Variants in MDFIC2 observed in about 807,000 individuals in gnomAD.
The protein encoded by MDFIC2 is MyoD family inhibitor domain containing 2.
chr3:70,232,023 A>G (rs1701564288), intron 2 of MDFIC2, among the ~76,000 whole-genome samples: 1 of 152,164 alleles, frequency 6.6e-6, no homozygotes, highest in Non-Finnish European at 1.5e-5. Context: ...CTTAGCCATT[A>G]ATAAGCATAT....
chr3:70,209,987 C>T (rs542403720), intron 2 of MDFIC2, among the ~76,000 whole-genome samples: 1 of 152,052 alleles, frequency 6.6e-6, no homozygotes. Context: ...ATGGAGATTG[C>T]AGCAGCTATT....
intron 2 of MDFIC2, chr3:70,249,204 G>T (rs2106649257): frequency 6.6e-6 from 1 of 152,274 alleles, no homozygotes. Context: ...GAGGTATGAA[G>T]TGAATCAAGA....
chr3:70,212,515 C>T (rs1701361206), intron 2 of MDFIC2, among the ~76,000 whole-genome samples: 2 of 152,090 alleles, frequency 1.3e-5, no homozygotes, highest in Admixed American at 6.6e-5. Flanking sequence ...ATTCTTCCTA[C>T]TAAACATCTC....
chr3:70,248,097 G>C (rs1353744115), intron 2 of MDFIC2, among the ~76,000 whole-genome samples: 1 of 152,018 alleles, frequency 6.6e-6, no homozygotes, highest in Non-Finnish European at 1.5e-5. Flanking sequence ...ATTAAATTCA[G>C]ACACTGTGCT....
intron 2 of MDFIC2, among the ~76,000 whole-genome samples, chr3:70,255,535 C>A (rs999544161): frequency 6.6e-6 from 1 of 152,122 alleles, no homozygotes; most frequent in Non-Finnish European, 1.5e-5. Flanking sequence ...GATCCTCCTG[C>A]CTCAGTCCTG....
chr3:70,246,404 T>A (rs2106646474), intron 2 of MDFIC2, among the ~76,000 whole-genome samples: 1 of 152,162 alleles, frequency 6.6e-6, no homozygotes, highest in South Asian at 2.1e-4. Flanking sequence ...CTGCTTGGTA[T>A]CTCATCATTG....
At chr3:70,253,002 C>T (rs1457762128) in intron 2 of MDFIC2, among the ~76,000 whole-genome samples, 2 of 152,056 alleles carry the variant, frequency 1.3e-5, no homozygotes, top group Non-Finnish European at 2.9e-5. Context: ...ATCGCTTGAA[C>T]CCAGTAGGTG....
At chr3:70,277,607 C>G (rs1035490270) in intron 2 of MDFIC2, among the ~76,000 whole-genome samples, 3 of 152,164 alleles carry the variant, frequency 2.0e-5, no homozygotes, top group Non-Finnish European at 4.4e-5. Flanking sequence ...CTGTGTCATA[C>G]TTCAAAACTG....
At chr3:70,203,023 G>A (rs546566106) in intron 3 of MDFIC2, among the ~76,000 whole-genome samples, 6 of 152,120 alleles carry the variant, frequency 3.9e-5, no homozygotes, top group South Asian at 4.2e-4. Flanking sequence ...AGGTGGGAGG[G>A]ATAAGAGCAC....
chr3:70,268,459 AG>A (rs2106668975), intron 2 of MDFIC2, among the ~76,000 whole-genome samples: 1 of 131,712 alleles, frequency 7.6e-6, no homozygotes, highest in South Asian at 2.6e-4. Flanking sequence ...TGGGCAACAG[AG>A]CGAGACTCCG....
At chr3:70,229,297 C>A (rs930849285) in intron 2 of MDFIC2, among the ~76,000 whole-genome samples, 2 of 152,160 alleles carry the variant, frequency 1.3e-5, no homozygotes, top group African/African-American at 4.8e-5. Context: ...GCAACCATGT[C>A]AGTGCCTATA....
intron 2 of MDFIC2, among the ~76,000 whole-genome samples, chr3:70,298,634 G>A (rs1167265899): frequency 6.6e-6 from 1 of 152,082 alleles, no homozygotes; most frequent in African/African-American, 2.4e-5. Flanking sequence ...TGAAGCTCGT[G>A]TTTAGGGAAT....
At chr3:70,261,398 C>A (rs62256476) in intron 2 of MDFIC2, among the ~76,000 whole-genome samples, 2 of 152,282 alleles carry the variant, frequency 1.3e-5, no homozygotes, top group African/African-American at 4.8e-5. Context: ...GAAACCTCAG[C>A]AGCTTCACTC....
chr3:70,269,917 A>G (rs573719449), intron 2 of MDFIC2, among the ~76,000 whole-genome samples: 1 of 152,310 alleles, frequency 6.6e-6, no homozygotes, highest in Admixed American at 6.5e-5. Context: ...AGTGACAATA[A>G]CTGAAATAAA....
At chr3:70,294,625 A>G (rs1382309621) in intron 2 of MDFIC2, among the ~76,000 whole-genome samples, 1 of 152,172 alleles carries the variant, frequency 6.6e-6, no homozygotes, top group Non-Finnish European at 1.5e-5. Context: ...GCTGCAAATA[A>G]CAGAAAACGT....
In MDFIC2 at chr3:70,196,932, G is replaced by C; in HGVS notation, c.564C>G (p.Tyr188Ter). ...ATGTGGTTACTTCACTGTGCTAGCGGTAACAGATTTCTGAAATCTCCATGG... is the reference window on the plus strand; with the variant it reads ...ATGTGGTTACTTCACTGTGCTAGCGCTAACAGATTTCTGAAATCTCCATGG... Reference protein sequence around the residue: ...ELAMEISEICYR With the variant: ...ELAMEISEIC The change falls in exon 4 of 4, where the codon TAC becomes TAG. Residue 188 changes from tyrosine to a stop codon, truncating the protein, a stop_gained. Transcript: ENST00000567252. LOFTEE classifies it high-confidence loss of function. The C allele has an allele frequency of 2.5e-6, 1 of 398,474 alleles. No homozygotes were observed. The highest frequency in any genetic ancestry group is 3.6e-5 in the East Asian group (1 of 28,068). The allele number at this position is 398,474 out of a possible 1,614,324, so 24.7% of individuals were successfully genotyped here.
intron 2 of MDFIC2, among the ~76,000 whole-genome samples, chr3:70,298,491 T>A (rs189642301): frequency 4.9e-4 from 75 of 152,272 alleles, no homozygotes; most frequent in Admixed American, 2.9e-3. Context: ...TAAATATGAA[T>A]GAAGCAATAT....
At chr3:70,259,930 T>G (rs1701850116) in intron 2 of MDFIC2, among the ~76,000 whole-genome samples, 1 of 152,048 alleles carries the variant, frequency 6.6e-6, no homozygotes, top group Admixed American at 6.6e-5. Flanking sequence ...AAGTGCCAAG[T>G]GAAGGGGAAA....
intron 2 of MDFIC2, among the ~76,000 whole-genome samples, chr3:70,282,917 A>C (rs887196245): frequency 6.6e-6 from 1 of 152,200 alleles, no homozygotes; most frequent in African/African-American, 2.4e-5. Flanking sequence ...ATGAAATAGT[A>C]AAAGGGGTAA....
Sources: gnomAD v4.1 joint callset for allele counts (sites outside exome capture counted in the v4.1 genomes callset) on GRCh38, gnomAD v4.1.1 for gene constraint, MANE v1.5 for transcripts, NCBI Gene and HGNC (gene_info 2026-07-23, HGNC 2026-07-21) for gene names.